Variants in UNC79 observed in about 807,000 individuals in gnomAD.
The protein encoded by UNC79 is unc-79 subunit of NALCN channel complex, also known as protein unc-79 homolog.
Under a neutral mutation model 283.1 loss-of-function variants are expected in UNC79, and 37 were observed. That is an observed-to-expected ratio of 0.13 (90% CI 0.10 to 0.17). UNC79 has a LOEUF of 0.17. Among genes scored for constraint, UNC79 ranks in the 10% least tolerant of loss-of-function variants. UNC79 has a pLI of 1.00. For synonymous variants in UNC79, 1,107 were observed against 1,200.2 expected (o/e 0.92, Z 1.61); for missense variants, 2,272 against 3,211.1 (o/e 0.71, Z 7.07).
intron 35 of UNC79, among the ~76,000 whole-genome samples, chr14:93,650,433 T>A (rs1301792399): frequency 6.6e-6 from 1 of 152,198 alleles, no homozygotes; most frequent in Non-Finnish European, 1.5e-5. Context: ...CAATCATCAA[T>A]GTATTCTGGT....
intron 47 of UNC79, among the ~76,000 whole-genome samples, chr14:93,696,608 T>A (rs1230413095): frequency 6.6e-6 from 1 of 152,216 alleles, no homozygotes. Flanking sequence ...TTGCTGTCCA[T>A]ATGTCTGCTT....
At chr14:93,693,720 G>A (rs1216922512) in intron 46 of UNC79, among the ~76,000 whole-genome samples, 1 of 152,042 alleles carries the variant, frequency 6.6e-6, no homozygotes, top group African/African-American at 2.4e-5. Flanking sequence ...GATTGAGAAA[G>A]GATCAAGATA....
chr14:93,347,350 T>C (rs1313363512), intron 1 of UNC79: 1 of 1,576,510 alleles, frequency 6.3e-7, no homozygotes, highest in Non-Finnish European at 8.6e-7. Flanking sequence ...CGCTCCCCGC[T>C]TCGCCCACTC....
In UNC79 at chr14:93,497,788, C is replaced by A. The variant is rs532977735; in HGVS notation, c.898+502C>A. The stretch of plus-strand genomic sequence containing the variant: ...AGATCACAAGGTCAGGAGATGTAGA[C>A]CATCCTGGCTAACATGGTGAAACCC... On this transcript the variant is annotated intron_variant, in intron 7 of 48. Coordinates refer to ENST00000555664, the Ensembl canonical transcript of UNC79. Among the ~76,000 whole-genome samples, 141 of 151,920 alleles carry A rather than the reference C, an allele frequency of 9.3e-4. 2 individuals carry two copies. Among genetic ancestry groups the A allele is most frequent in the Admixed American group, 2.6e-4 (4 of 15,248 alleles).
chr14:93,565,980 A>G (rs2062852366), intron 14 of UNC79, among the ~76,000 whole-genome samples: 1 of 152,198 alleles, frequency 6.6e-6, no homozygotes, highest in South Asian at 2.1e-4. Flanking sequence ...AGGAAGAAGA[A>G]GGAAAAATAA....
At chr14:93,475,682 A>G (rs1354272975) in intron 3 of UNC79, among the ~76,000 whole-genome samples, 4 of 152,160 alleles carry the variant, frequency 2.6e-5, no homozygotes, top group Admixed American at 6.5e-5. Context: ...CTTCGTGACT[A>G]CTAGTCCTGA....
intron 30 of UNC79, among the ~76,000 whole-genome samples, chr14:93,624,406 C>A (rs910965978): frequency 1.3e-5 from 2 of 152,088 alleles, no homozygotes; most frequent in Non-Finnish European, 2.9e-5. Context: ...GGGCCAGGAA[C>A]ATGGTTGCAT....
At chr14:93,669,391 T>C in intron 40 of UNC79, among the ~76,000 whole-genome samples, 1 of 152,160 alleles carries the variant, frequency 6.6e-6, no homozygotes, top group East Asian at 1.9e-4. Context: ...AGGGAGTGTT[T>C]GTCAATCTAG....
intron 17 of UNC79, among the ~76,000 whole-genome samples, chr14:93,575,776 T>C (rs986020374): frequency 2.0e-5 from 3 of 152,196 alleles, no homozygotes; most frequent in African/African-American, 4.8e-5. Flanking sequence ...TCTCTGCTGA[T>C]GTGCTGCTGT....
At chr14:93,639,105 G>A (rs1391240038) in intron 32 of UNC79, among the ~76,000 whole-genome samples, 2 of 152,192 alleles carry the variant, frequency 1.3e-5, no homozygotes, top group Non-Finnish European at 2.9e-5. Flanking sequence ...ATGACTTCGA[G>A]TGCCTCCCTT....
In UNC79 at chr14:93,382,137, A is replaced by C. The variant is rs539638611; in HGVS notation, c.-351+48614A>C. ...TATTTATCTTCTGGTTCCTAATAAT[A>C]CAAGGTATGTAATAGATGTGCCTCT... On this transcript the variant is annotated intron_variant, in intron 1 of 49. Transcript: ENST00000256339. 5.9e-5 allele frequency among the ~76,000 whole-genome samples: 9 copies of C among 152,280 alleles called. No homozygotes were observed. In the South Asian group the frequency reaches 1.7e-3, roughly 28 times the overall value.
At chr14:93,630,222 G>A (rs888459858) in intron 30 of UNC79, among the ~76,000 whole-genome samples, 2 of 152,216 alleles carry the variant, frequency 1.3e-5, no homozygotes, top group Admixed American at 1.3e-4. Context: ...AAGGCTATGG[G>A]CAAGGAAACA....
At chr14:93,603,333 T>C (rs201002013) in exon 26 of UNC79, 3 of 1,613,972 alleles carry the variant, frequency 1.9e-6, no homozygotes, top group East Asian at 4.5e-5. Flanking sequence ...GCCAGAAGAG[T>C]GTACGTTCCC....
chr14:93,363,104 C>G (rs1452384644), intron 1 of UNC79, among the ~76,000 whole-genome samples: 1 of 152,084 alleles, frequency 6.6e-6, no homozygotes, highest in East Asian at 1.9e-4. Flanking sequence ...GTATTTAGCA[C>G]TATAAACTTT....
At chr14:93,511,959 T>A (rs1190890826) in intron 7 of UNC79, among the ~76,000 whole-genome samples, 1 of 152,218 alleles carries the variant, frequency 6.6e-6, no homozygotes, top group Non-Finnish European at 1.5e-5. Context: ...AATTTTTTTC[T>A]AATTATCCAT....
chr14:93,584,586 T>C (rs931844283), intron 20 of UNC79, among the ~76,000 whole-genome samples: 1 of 152,236 alleles, frequency 6.6e-6, no homozygotes, highest in South Asian at 2.1e-4. Flanking sequence ...CCTGTACTCT[T>C]TCTATGCAAA....
chr14:93,485,789 A>T (rs2058387223), intron 4 of UNC79, among the ~76,000 whole-genome samples: 1 of 152,162 alleles, frequency 6.6e-6, no homozygotes, highest in African/African-American at 2.4e-5. Flanking sequence ...GCCTAGCTGC[A>T]AGTGATTAAT....
chr14:93,705,721 A>G (rs1176289167), intron 48 of UNC79, among the ~76,000 whole-genome samples: 3 of 152,234 alleles, frequency 2.0e-5, no homozygotes, highest in African/African-American at 7.2e-5. Context: ...AAGATGGCAA[A>G]GCCAGCTGCC....
At chr14:93,502,682 T>TATAG (rs914987490) in intron 7 of UNC79, among the ~76,000 whole-genome samples, 1 of 152,208 alleles carries the variant, frequency 6.6e-6, no homozygotes, top group Non-Finnish European at 1.5e-5. Context: ...TATTGTTCAG[T>TATAG]TTCCATTTGA....
Sources: gnomAD v4.1 joint callset for allele counts (sites outside exome capture counted in the v4.1 genomes callset) on GRCh38, gnomAD v4.1.1 for gene constraint, MANE v1.5 for transcripts, NCBI Gene and HGNC (gene_info 2026-07-23, HGNC 2026-07-21) for gene names.